Variants in SYN3 observed in about 807,000 individuals in gnomAD.
SYN3 encodes synapsin III, also known as synapsin-3.
Under a neutral mutation model 65.8 loss-of-function variants are expected in SYN3, and 35 were observed. That is an observed-to-expected ratio of 0.53 (90% confidence interval 0.41 to 0.70). The LOEUF is 0.70. Ranked by LOEUF, SYN3 falls within the 30% of genes least tolerant of loss-of-function variation. The pLI, the probability that SYN3 is intolerant of heterozygous loss-of-function variation, is 0.00. For missense variants in SYN3, 680 were observed against 749.0 expected (o/e 0.91, Z 1.08); for synonymous variants, 270 against 292.9 (o/e 0.92, Z 0.80).
intron 6 of SYN3, among the ~76,000 whole-genome samples, chr22:32,802,377 G>A (rs1300334412): frequency 6.6e-6 from 1 of 152,156 alleles, no homozygotes; most frequent in Non-Finnish European, 1.5e-5. Context: ...TAGGTCGTGA[G>A]GTTCCTACCG....
chr22:32,849,622 C>T, intron 6 of SYN3: 2 of 1,169,618 alleles, frequency 1.7e-6, no homozygotes, highest in Non-Finnish European at 2.5e-6. Flanking sequence ...TGGGTTGGAA[C>T]TGGGGTGTGT....
At chr22:32,665,625 C>T (rs866431617) in intron 6 of SYN3, among the ~76,000 whole-genome samples, 5 of 152,008 alleles carry the variant, frequency 3.3e-5, no homozygotes, top group South Asian at 2.1e-4. Context: ...ATCACGCGCT[C>T]TTCTGTCAAA....
chr22:32,772,896 C>G (rs5998632), intron 6 of SYN3, among the ~76,000 whole-genome samples: 107,425 of 152,066 alleles, frequency 0.71, 38,501 homozygotes, highest in African/African-American at 0.83. Context: ...AACTGCGAGA[C>G]AAAAAATCTA....
chr22:32,566,842 C>A (rs914697652), intron 7 of SYN3, among the ~76,000 whole-genome samples: 2 of 152,060 alleles, frequency 1.3e-5, no homozygotes, highest in African/African-American at 2.4e-5. Context: ...CAGAAAGCAA[C>A]ATTGAGCGCC....
At chr22:32,722,047 G>A (rs190234279) in intron 6 of SYN3, among the ~76,000 whole-genome samples, 72 of 152,318 alleles carry the variant, frequency 4.7e-4, no homozygotes, top group Non-Finnish European at 8.2e-4. Flanking sequence ...AGGAGCAAAT[G>A]AGCGAGAGGA....
chr22:33,041,196 CGT>C (rs1305424255), intron 1 of SYN3, among the ~76,000 whole-genome samples: 1 of 151,936 alleles, frequency 6.6e-6, no homozygotes, highest in Non-Finnish European at 1.5e-5. Context: ...GGATTACAGG[CGT>C]GAGTCACTGG....
At chr22:32,879,889 A>G (rs2049081574) in intron 4 of SYN3, among the ~76,000 whole-genome samples, 1 of 152,202 alleles carries the variant, frequency 6.6e-6, no homozygotes, top group Non-Finnish European at 1.5e-5. Context: ...AATAATGAGG[A>G]GTGGTGGGAA....
intron 6 of SYN3, among the ~76,000 whole-genome samples, chr22:32,599,734 T>C (rs1490627231): frequency 6.6e-6 from 1 of 152,168 alleles, no homozygotes; most frequent in Non-Finnish European, 1.5e-5. Flanking sequence ...CCCATGATAG[T>C]GATCAATAAA....
chr22:33,038,890 C>T (rs915336501), intron 1 of SYN3, among the ~76,000 whole-genome samples: 8 of 152,332 alleles, frequency 5.3e-5, no homozygotes, highest in Admixed American at 2.6e-4. Flanking sequence ...CAGGCGGAAG[C>T]CCCGGGGCTG....
At chr22:32,868,573 T>A (rs1205468904) in intron 5 of SYN3, among the ~76,000 whole-genome samples, 1 of 151,858 alleles carries the variant, frequency 6.6e-6, no homozygotes, top group Non-Finnish European at 1.5e-5. Context: ...CCCGAGTAGC[T>A]GGGATTACAG....
chr22:33,037,777 GTC>G (rs1168116093), intron 1 of SYN3, among the ~76,000 whole-genome samples: 1 of 152,194 alleles, frequency 6.6e-6, no homozygotes, highest in Non-Finnish European at 1.5e-5. Context: ...TTCCCACAGT[GTC>G]TGAGCTCCTC....
At chr22:32,558,538 C>G (rs573806962) in intron 7 of SYN3, among the ~76,000 whole-genome samples, 1 of 152,320 alleles carries the variant, frequency 6.6e-6, no homozygotes, top group South Asian at 2.1e-4. Context: ...ATGGAGGCAA[C>G]TTTTCCCTTT....
In SYN3 at chr22:32,801,233, A is replaced by T. The variant is rs2046564574; in HGVS notation, c.711+63682T>A. 6.6e-6 allele frequency among the ~76,000 whole-genome samples: 1 copy of T among 152,220 alleles called. No homozygotes were observed. Among genetic ancestry groups the T allele is most frequent in the African/African-American group, 2.4e-5 (1 of 41,454 alleles). On this transcript the variant is annotated intron_variant, in intron 6 of 13. Transcript: ENST00000358763. The surrounding 1 kb of genome is among the most constrained non-coding windows in gnomAD (Gnocchi z 4.7). ...TCCTCTGTGCCTGCTCTCTCCAGAG[A>T]AACTGGAGGGGTAGCAGTTAGCATT...
intron 6 of SYN3, among the ~76,000 whole-genome samples, chr22:32,847,918 C>A (rs1026819746): frequency 6.6e-6 from 1 of 152,206 alleles, no homozygotes. Context: ...TCATCACACC[C>A]CCTGATAGAG....
At chr22:32,543,941 T>G (rs191473779) in intron 7 of SYN3, among the ~76,000 whole-genome samples, 1 of 152,326 alleles carries the variant, frequency 6.6e-6, no homozygotes, top group East Asian at 1.9e-4. Context: ...TCACTAGCAC[T>G]GTGAAGCTCC....
chr22:32,611,673 G>T (rs911680200), intron 6 of SYN3, among the ~76,000 whole-genome samples: 1 of 152,160 alleles, frequency 6.6e-6, no homozygotes, highest in Admixed American at 6.5e-5. Context: ...CCATGAGCAA[G>T]GTGATAAAGA....
intron 7 of SYN3, among the ~76,000 whole-genome samples, chr22:32,560,541 A>C (rs2058572014): frequency 6.6e-6 from 1 of 152,170 alleles, no homozygotes; most frequent in South Asian, 2.1e-4. Flanking sequence ...GGCAGACAAT[A>C]GCAAGAGCCA....
In SYN3 at chr22:32,530,731, G is replaced by T. The variant is rs149887711; in HGVS notation, c.1096-1723C>A. The stretch of plus-strand genomic sequence containing the variant: ...TTAAGAATGTGAATACTGGCTGGGC[G>T]CGGTGGCTCACGCCTGTAATCCCAG... On this transcript the variant is annotated intron_variant, in intron 10 of 13. Transcript: ENST00000358763. 7.9e-5 allele frequency among the ~76,000 whole-genome samples: 12 copies of T among 152,186 alleles called. No individual in the cohort carries two copies. In the East Asian group the frequency reaches 2.1e-3, roughly 27 times the overall value.
At chr22:32,961,477 G>C (rs2051649950) in intron 3 of SYN3, among the ~76,000 whole-genome samples, 1 of 152,188 alleles carries the variant, frequency 6.6e-6, no homozygotes, top group Admixed American at 6.5e-5. Flanking sequence ...AAGTAGAGTT[G>C]TGTTGTCAGT....
Sources: allele counts gnomAD v4.1 joint callset (sites outside exome capture counted in the v4.1 genomes callset), GRCh38; gene constraint gnomAD v4.1.1; non-coding constraint Gnocchi (gnomAD v3.1); transcripts MANE v1.5; gene names NCBI Gene and HGNC (gene_info 2026-07-23, HGNC 2026-07-21).